LUZP2: variants seen among roughly 807,000 people sequenced by gnomAD.
LUZP2 encodes leucine zipper protein 2.
A neutral mutation model predicts 51.6 loss-of-function variants in LUZP2; 52 were observed. That is an observed-to-expected ratio of 1.01 (90% CI 0.81 to 1.27). The LOEUF (loss-of-function observed/expected upper bound fraction) is 1.27, where lower values mean the gene tolerates loss of function less well. Ranked by LOEUF, LUZP2 falls within the 50% of genes most tolerant of loss-of-function variation. LUZP2 has a pLI of 0.00. For missense variants in LUZP2, 436 were observed against 395.4 expected, an observed-to-expected ratio of 1.10 and a Z score of -0.87; for synonymous variants, 154 against 137.3, an observed-to-expected ratio of 1.12 and a Z score of -0.85.
At chr11:24,733,202 A>C (rs1843700) in intron 3 of LUZP2, among the ~76,000 whole-genome samples, 119,585 of 151,650 alleles carry the variant, frequency 0.79, 47,499 homozygotes, top group Admixed American at 0.87. Context: ...ATGGACTCTT[A>C]TTATTATTTA....
At chr11:25,053,674 A>G (rs769575885) in intron 10 of LUZP2, among the ~76,000 whole-genome samples, 1 of 151,838 alleles carries the variant, frequency 6.6e-6, no homozygotes, top group Non-Finnish European at 1.5e-5. Context: ...GTGGTGTACC[A>G]CATTTCTTTA....
intron 1 of LUZP2, among the ~76,000 whole-genome samples, chr11:24,686,231 A>G (rs1856893608): frequency 6.6e-6 from 1 of 151,674 alleles, no homozygotes; most frequent in South Asian, 2.1e-4. Flanking sequence ...TGCAAAAAAA[A>G]AAAAATTGGC....
intron 5 of LUZP2, among the ~76,000 whole-genome samples, chr11:24,821,301 C>T (rs563282022): frequency 2.0e-5 from 3 of 152,184 alleles, no homozygotes; most frequent in Admixed American, 2.0e-4. Flanking sequence ...GCCTAGAACA[C>T]AGTGCATATT....
At chr11:24,527,866 G>C (rs373149108) in intron 1 of LUZP2, among the ~76,000 whole-genome samples, 1 of 151,280 alleles carries the variant, frequency 6.6e-6, no homozygotes, top group Non-Finnish European at 1.5e-5. Context: ...CAGACCCAAA[G>C]CTCAGGATAC....
At chr11:24,551,420 G>T (rs186842104) in intron 1 of LUZP2, among the ~76,000 whole-genome samples, 26 of 152,156 alleles carry the variant, frequency 1.7e-4, no homozygotes, top group African/African-American at 6.0e-4. Context: ...GATTTGTTCA[G>T]CAGCAGGGGC....
intron 7 of LUZP2, among the ~76,000 whole-genome samples, chr11:24,916,553 C>G (rs1853796575): frequency 6.6e-6 from 1 of 152,004 alleles, no homozygotes; most frequent in African/African-American, 2.4e-5. Flanking sequence ...TCTCACTGTT[C>G]AGTTCCCACC....
chr11:24,708,328 C>T lies in LUZP2; in HGVS notation c.63-20841C>T, dbSNP rs560999730. Among the ~76,000 whole-genome samples, 133 of 152,288 alleles carry T rather than the reference C, an allele frequency of 8.7e-4. 2 individuals carry two copies. The South Asian group carries it at 0.01, about 12-fold the overall frequency. On this transcript the variant is annotated intron_variant, in intron 1 of 11. Transcript: ENST00000336930. ...AATGCTTTATCAGCTATCTGGGCAT[C>T]TCTTAGCCCAGTCAAATCAACACAC...
intron 7 of LUZP2, among the ~76,000 whole-genome samples, chr11:24,951,489 T>C (rs932711155): frequency 5.3e-5 from 8 of 151,576 alleles, no homozygotes; most frequent in Admixed American, 3.3e-4. Context: ...CCCCTAATTA[T>C]AAGAATTTAA....
intron 7 of LUZP2, among the ~76,000 whole-genome samples, chr11:24,922,702 A>C (rs1488019016): frequency 6.6e-6 from 1 of 152,128 alleles, no homozygotes; most frequent in Middle Eastern, 3.2e-3. Context: ...TTTGTGCGTC[A>C]AAATAATTAT....
chr11:24,669,603 T>G (rs776890247), intron 1 of LUZP2, among the ~76,000 whole-genome samples: 10 of 152,038 alleles, frequency 6.6e-5, no homozygotes, highest in Non-Finnish European at 1.5e-4. Flanking sequence ...TTAAACATAT[T>G]TAGATTTGTG....
At chr11:24,835,558 T>C (rs926652640) in intron 5 of LUZP2, among the ~76,000 whole-genome samples, 1 of 152,010 alleles carries the variant, frequency 6.6e-6, no homozygotes, top group African/African-American at 2.4e-5. Context: ...AGCTACAGTA[T>C]ACTTTCATAA....
At chr11:24,744,260 C>A (rs577352403) in intron 4 of LUZP2, among the ~76,000 whole-genome samples, 2 of 152,170 alleles carry the variant, frequency 1.3e-5, no homozygotes, top group African/African-American at 4.8e-5. Context: ...CTTTTTCTAT[C>A]TTGTGGCATA....
intron 1 of LUZP2, among the ~76,000 whole-genome samples, chr11:24,529,704 A>G (rs939369513): frequency 6.6e-6 from 1 of 150,970 alleles, no homozygotes; most frequent in African/African-American, 2.4e-5. Flanking sequence ...ATTTCCCCCC[A>G]TTTAATAGAG....
At chr11:24,502,857 G>A (rs1850039317) in intron 1 of LUZP2, among the ~76,000 whole-genome samples, 1 of 152,186 alleles carries the variant, frequency 6.6e-6, no homozygotes, top group African/African-American at 2.4e-5. Flanking sequence ...AAAGCTGTGA[G>A]TACAAGTGTC....
At chr11:24,973,169 G>A (rs1855795080) in intron 7 of LUZP2, among the ~76,000 whole-genome samples, 1 of 150,376 alleles carries the variant, frequency 6.6e-6, no homozygotes, top group Admixed American at 6.6e-5. Context: ...TTCAGTCTTG[G>A]GAGGGTGTTT....
At chr11:24,552,562 A>G (rs1205043385) in intron 1 of LUZP2, among the ~76,000 whole-genome samples, 3 of 152,054 alleles carry the variant, frequency 2.0e-5, no homozygotes, top group Non-Finnish European at 4.4e-5. Context: ...ATCTACCCAC[A>G]AATTCTGAAA....
chr11:24,607,158 A>AT (rs1417818408), intron 1 of LUZP2, among the ~76,000 whole-genome samples: 1 of 151,076 alleles, frequency 6.6e-6, no homozygotes, highest in Non-Finnish European at 1.5e-5. Flanking sequence ...CCAATCATTT[A>AT]TTTTTTATTT....
intron 1 of LUZP2, among the ~76,000 whole-genome samples, chr11:24,703,715 C>T (rs1312640843): frequency 1.3e-5 from 2 of 151,618 alleles, no homozygotes; most frequent in Non-Finnish European, 2.9e-5. Flanking sequence ...TGTAATCCCA[C>T]CTACTTGGGA....
chr11:24,813,945 C>A (rs1259628235), intron 5 of LUZP2, among the ~76,000 whole-genome samples: 1 of 152,168 alleles, frequency 6.6e-6, no homozygotes, highest in Non-Finnish European at 1.5e-5. Context: ...CATGTGCAAA[C>A]CGGAAATAAT....
Sources: allele counts gnomAD v4.1 joint callset (sites outside exome capture counted in the v4.1 genomes callset), GRCh38; gene constraint gnomAD v4.1.1; transcripts MANE v1.5; gene names NCBI Gene and HGNC (gene_info 2026-07-23, HGNC 2026-07-21).